PHF12: variants seen among roughly 807,000 people sequenced by gnomAD.
PHF12 encodes the protein PHD factor 1.
Under a neutral mutation model 99.8 loss-of-function variants are expected in PHF12, and 6 were observed. That is an observed-to-expected ratio of 0.06 (90% CI 0.03 to 0.12). The LOEUF (loss-of-function observed/expected upper bound fraction) is 0.12, where lower values mean the gene tolerates loss of function less well. Ranked by LOEUF, PHF12 falls within the 10% of genes least tolerant of loss-of-function variation. The probability of loss-of-function intolerance (pLI) is 1.00; values close to 1 mark genes in which losing one functional copy is unlikely to be tolerated. For missense variants in PHF12, 954 were observed against 1,300.1 expected (o/e 0.73, Z 4.09); for synonymous variants, 480 against 514.9 (o/e 0.93, Z 0.92).
Position 28,906,387 on chromosome 17 carries a change from A to C in PHF12, c.2811T>G (p.Ser937Arg). 2 of 1,614,180 alleles carry C rather than the reference A, an allele frequency of 1.2e-6. No individual in the cohort carries two copies. Among genetic ancestry groups the C allele is most frequent in the African/African-American group, 1.3e-5 (1 of 75,052 alleles). Residue 937 changes from serine (S) to arginine (R), a missense_variant, in exon 15 of 15, where the codon AGT becomes AGG. By Grantham distance (110) the Ser-to-Arg change is moderately radical (BLOSUM62 -1). This residue lies in a region of PHF12 where 136 missense variants were observed against 172.3 expected (regional missense o/e 0.79). Coordinates refer to ENST00000332830, the MANE Select transcript of PHF12 (RefSeq NM_001033561.2). The surrounding 1 kb of genome is among the most constrained non-coding windows in gnomAD (Gnocchi z 4.2). ...AGGCTGTGCCCTCCCAGCCGGCCCCACTGCCCCCAATCAAGCTCGAGCTGC... is the reference window on the plus strand; with the variant it reads ...AGGCTGTGCCCTCCCAGCCGGCCCCCCTGCCCCCAATCAAGCTCGAGCTGC... ...KASSSSLIGGSGAGWEGTALL... is the reference protein window; with the variant it reads ...KASSSSLIGGRGAGWEGTALL...
At chr17:28,917,472 C>A (rs1567955084) in intron 6 of PHF12, 23 bp from the exon 7 acceptor site, 2 of 1,573,864 alleles carry the variant, frequency 1.3e-6, no homozygotes, top group Admixed American at 1.8e-5. Flanking sequence ...CAGACACAAC[C>A]TTGTGGTGAG....
At position 28,912,733 on chromosome 17, in the gene PHF12, C is replaced by G. The variant is rs1311418343; in HGVS notation, c.1838G>C (p.Cys613Ser). Residue 613 changes from cysteine to serine, a missense_variant, in exon 9 of 15, where the codon TGC (cysteine) becomes TCC (serine). Physicochemically the swap from Cys to Ser is moderately radical, Grantham distance 112. Transcript: ENST00000332830. ...KTENATGPSS[C>S]PQRSLVPVPS... ...GACAGGAACCAAACTCCTCTGGGGG[C>G]AAGAGCTGGGGCCAGTGGCATTCTC... 2.5e-6 allele frequency: 4 copies of G among 1,614,202 alleles called. No homozygotes were observed. Among genetic ancestry groups the G allele is most frequent in the Non-Finnish European group, 3.4e-6 (4 of 1,180,038 alleles).
chr17:28,916,803 G>A (rs538461497), intron 7 of PHF12, among the ~76,000 whole-genome samples: 1 of 152,280 alleles, frequency 6.6e-6, no homozygotes, highest in African/African-American at 2.4e-5. Context: ...TTGGAGCATT[G>A]GTGATATATT....
Position 28,950,186 on chromosome 17 carries a change from G to A in PHF12, c.127C>T (p.Pro43Ser). 3.1e-6 allele frequency: 5 copies of A among 1,613,414 alleles called. No individual in the cohort carries two copies. Among genetic ancestry groups the A allele is most frequent in the East Asian group, 2.2e-5 (1 of 44,852 alleles). ...CCGCTTCTCCGGGGCTCCTTCTCAG[G>A]CTTCCGACTGCGCTTTTCTGCCTCG... ...TDEAEKRSRK[P>S]EKEPRRSGRA... is the part of the protein sequence containing the mutation. The change falls in exon 2 of 15, where the codon CCT becomes TCT. Residue 43 changes from proline (P) to serine (S), a missense_variant. Transcript: ENST00000332830. The surrounding 1 kb of genome is among the most constrained non-coding windows in gnomAD (Gnocchi z 5.7).
At position 28,913,017 on chromosome 17, in the gene PHF12, C is replaced by T. The variant is rs754434247; in HGVS notation, c.1554G>A (p.Glu518=). 1 of 1,614,220 alleles carries T rather than the reference C, an allele frequency of 6.2e-7. No individual in the cohort carries two copies. Among genetic ancestry groups the T allele is most frequent in the Admixed American group, 1.7e-5 (1 of 60,030 alleles). Reference sequence around the variant, plus strand: ...CCGCACAAGAACTGCAGCCGATGTCCTCTAGGGCTGGGGACTGGTGGGGTG... The same window carrying T: ...CCGCACAAGAACTGCAGCCGATGTCTTCTAGGGCTGGGGACTGGTGGGGTG... ...CSPPHQSPAL[E]DIGCSSCAEK... The change falls in exon 9 of 15, where the codon GAG becomes GAA. Residue 518 remains glutamate, a synonymous_variant. Coordinates refer to ENST00000332830, the MANE Select transcript of PHF12 (RefSeq NM_001033561.2).
Position 28,949,949 on chromosome 17 carries a change from G to GA in PHF12, c.248+115dup, listed in dbSNP as rs375871440. Reference sequence around the variant, plus strand: ...GGAGGTGCTCGCCCCGGCAGCTGCAGAAAGTCAGCTAGCGGCTGCAAGCGC... The same window carrying GA: ...GGAGGTGCTCGCCCCGGCAGCTGCAGAAAAGTCAGCTAGCGGCTGCAAGCGC... On this transcript the variant is annotated intron_variant, in intron 2 of 14. Transcript: ENST00000332830. This position sits in a 1 kb window ranked among gnomAD's most constrained non-coding sequence, Gnocchi z 4.6. The GA allele has an allele frequency of 9.8e-5, 123 of 1,250,374 alleles. 1 individual carries two copies. The African/African-American group carries it at 1.6e-3, about 17-fold the overall frequency. 77.5% of individuals were successfully genotyped at this position (1,250,374 alleles called of 1,614,324 possible). A position where few individuals can be genotyped will look rare whatever the true frequency, so the allele number is the denominator to read the frequency against.
At position 28,951,257 on chromosome 17, in the gene PHF12, G is replaced by A. The variant is rs1015376281; in HGVS notation, c.-297C>T. 5 of 1,227,326 alleles carry A rather than the reference G, an allele frequency of 4.1e-6. No individual in the cohort carries two copies. Among genetic ancestry groups the A allele is most frequent in the Non-Finnish European group, 5.1e-6 (5 of 978,210 alleles). 76.0% of individuals were successfully genotyped at this position (1,227,326 alleles called of 1,614,324 possible). ...GCGGGGCCTAGTCCCACAGGCTAAA[G>A]CCGGCACTGGCGACAGCCGGTCCGG... On this transcript the variant is annotated 5_prime_UTR_variant, in exon 1 of 15. Coordinates refer to ENST00000332830, the MANE Select transcript of PHF12 (RefSeq NM_001033561.2).
Position 28,928,714 on chromosome 17 carries a change from G to A in PHF12, c.249-1651C>T, listed in dbSNP as rs115081768. Among the ~76,000 whole-genome samples the A allele has an allele frequency of 6.7e-3, 1,013 of 151,694 alleles. 12 individuals carry two copies. The highest frequency in any genetic ancestry group is 0.024 in the African/African-American group (971 of 41,134). ...GGAGAATCCTTTGAACTCGGGAGGC[G>A]GAAGTTGCAGTGAGCCAAGATTATG... is the stretch of plus-strand genomic sequence containing the variant. On this transcript the variant is annotated intron_variant, in intron 2 of 14. Transcript: ENST00000332830.
At chr17:28,910,444 G>A in intron 10 of PHF12, 75 bp from the exon 11 acceptor site, 1 of 1,498,608 alleles carries the variant, frequency 6.7e-7, no homozygotes, top group Non-Finnish European at 9.0e-7. Flanking sequence ...GGGTCACAGA[G>A]CAAATAGTTT....
intron 2 of PHF12, chr17:28,944,870 A>T (rs1464056451): frequency 6.6e-6 from 1 of 152,186 alleles, no homozygotes; most frequent in East Asian, 1.9e-4. Context: ...AATGTCAAAA[A>T]CAACATGCTG....
rs374949437 is a variant in PHF12 at position 28,906,737 on chromosome 17, G to A, written c.2680+119C>T. On this transcript the variant is annotated intron_variant, in intron 14 of 14. Coordinates refer to ENST00000332830, the MANE Select transcript of PHF12 (RefSeq NM_001033561.2). This position sits in a 1 kb window ranked among gnomAD's most constrained non-coding sequence, Gnocchi z 4.2. ...TCTCTGTGGCCTGCCCTGGGCCCACGAGGAAGTAGAGCTTGGCCAATAGGA... is the reference window on the plus strand; with the variant it reads ...TCTCTGTGGCCTGCCCTGGGCCCACAAGGAAGTAGAGCTTGGCCAATAGGA... 5.3e-5 allele frequency: 76 copies of A among 1,432,450 alleles called. No homozygotes were observed. Among genetic ancestry groups the A allele is most frequent in the South Asian group, 9.5e-5 (7 of 73,760 alleles). The allele number at this position is 1,432,450 out of a possible 1,614,324, so 88.7% of individuals were successfully genotyped here.
chr17:28,941,889 G>C (rs2040623423), intron 2 of PHF12, among the ~76,000 whole-genome samples: 1 of 152,186 alleles, frequency 6.6e-6, no homozygotes, highest in Non-Finnish European at 1.5e-5. Flanking sequence ...TTACAGGTGT[G>C]AGCCACTGCC....
intron 7 of PHF12, among the ~76,000 whole-genome samples, chr17:28,915,855 C>T (rs2040052226): frequency 6.6e-6 from 1 of 152,200 alleles, no homozygotes. Flanking sequence ...AACTCATGCC[C>T]TTTGAGTTTC....
chr17:28,906,803 C>A lies in PHF12; in HGVS notation c.2680+53G>T. 1 of 1,549,184 alleles carries A rather than the reference C, an allele frequency of 6.5e-7. No individual in the cohort carries two copies. The highest frequency in any genetic ancestry group is 1.2e-5 in the South Asian group (1 of 81,148). ...ACAGACCATGGGCAGCAAGTCAGAA[C>A]CACCCTGACTGGGGCCTCAGCTTTG... On this transcript the variant is annotated intron_variant, in intron 14 of 14. Coordinates refer to ENST00000332830, the MANE Select transcript of PHF12 (RefSeq NM_001033561.2). The surrounding 1 kb of genome is among the most constrained non-coding windows in gnomAD (Gnocchi z 4.2).
chr17:28,917,480 G>A (rs1028302938), intron 6 of PHF12, 31 bp from the exon 7 acceptor site: 1 of 1,566,520 alleles, frequency 6.4e-7, no homozygotes, highest in African/African-American at 1.4e-5. Flanking sequence ...ACCTTGTGGT[G>A]AGCCTCAAAA....
At chr17:28,944,500 T>C in intron 2 of PHF12, 1 of 983,900 alleles carries the variant, frequency 1.0e-6, no homozygotes, top group Non-Finnish European at 1.2e-6. Flanking sequence ...AATTGAACAT[T>C]ACCGTATCTT....
chr17:28,942,318 G>T (rs192504742), intron 2 of PHF12, among the ~76,000 whole-genome samples: 2 of 151,820 alleles, frequency 1.3e-5, no homozygotes, highest in East Asian at 2.0e-4. Context: ...ACAGGAGTTC[G>T]AGAACAGCCT....
In PHF12 at chr17:28,906,251, C is replaced by A. The variant is rs778262803; in HGVS notation, c.2947G>T (p.Val983Phe). 6.2e-7 allele frequency: 1 copy of A among 1,613,416 alleles called. No homozygotes were observed. The highest frequency in any genetic ancestry group is 8.5e-7 in the Non-Finnish European group (1 of 1,179,396). ...TTGAGAGAGAGCTTCTCGGCCAAGA[C>A]CCCATCCTGCAGCAGGCTGGCATCG... is the stretch of plus-strand genomic sequence containing the variant. ...KGDASLLQDGVLAEKLSLKPH... is the reference protein window; with the variant it reads ...KGDASLLQDGFLAEKLSLKPH... The change falls in exon 15 of 15, where the codon GTC (valine) becomes TTC (phenylalanine). Residue 983 changes from valine to phenylalanine, a missense_variant. This residue lies in a region of PHF12 where 136 missense variants were observed against 172.3 expected (regional missense o/e 0.79). Transcript: ENST00000332830. This position sits in a 1 kb window ranked among gnomAD's most constrained non-coding sequence, Gnocchi z 4.2.
rs138803959 is a variant in PHF12, at chr17:28,916,243, G to A, written c.1134+1042C>T. Reference sequence around the variant, plus strand: ...GAGTTTCACTCTTGTTGTCCAGGCCGGAGTGCAATGGCGCGATCTCGGCTC... The same window carrying A: ...GAGTTTCACTCTTGTTGTCCAGGCCAGAGTGCAATGGCGCGATCTCGGCTC... On this transcript the variant is annotated intron_variant, in intron 7 of 14. Transcript: ENST00000332830. 3.6e-3 allele frequency among the ~76,000 whole-genome samples: 548 copies of A among 152,266 alleles called. 5 individuals carry two copies. The highest frequency in any genetic ancestry group is 8.1e-3 in the African/African-American group (337 of 41,552).
Sources: gnomAD v4.1 joint callset for allele counts (sites outside exome capture counted in the v4.1 genomes callset) on GRCh38, gnomAD v4.1.1 for gene constraint, gnomAD v4.1.1 regional missense constraint, Gnocchi (gnomAD v3.1) non-coding constraint, MANE v1.5 for transcripts, NCBI Gene and HGNC (gene_info 2026-07-23, HGNC 2026-07-21) for gene names.